Variants in C8orf34 observed in about 807,000 individuals in gnomAD.
C8orf34 encodes the protein uncharacterized protein C8orf34.
In C8orf34, 65 loss-of-function variants were observed where a neutral mutation model predicts 68.3. That is an observed-to-expected ratio of 0.95 (90% CI 0.78 to 1.17). C8orf34 has a LOEUF of 1.17. C8orf34 is among the 50% of genes most tolerant of loss of function. The probability of loss-of-function intolerance (pLI) is 0.00; values close to 1 mark genes in which losing one functional copy is unlikely to be tolerated. For missense variants in C8orf34, 664 were observed against 655.4 expected (o/e 1.01, Z -0.14); for synonymous variants, 244 against 241.2 (o/e 1.01, Z -0.11).
In C8orf34 at chr8:68,466,005, G is replaced by A. The variant is rs1411732455; in HGVS notation, c.608-2687G>A. On this transcript the variant is annotated intron_variant, in intron 3 of 13. Coordinates refer to ENST00000518698, the MANE Select transcript of C8orf34 (RefSeq NM_052958.4). ...AAATTCTAATAAAAAAAGAAAATTT[G>A]GTGCGTATACACAATGAAATACTAT... Among the ~76,000 whole-genome samples the A allele has an allele frequency of 2.0e-5, 3 of 147,396 alleles. No individual in the cohort carries two copies. The Admixed American group carries it at 2.1e-4, about 10-fold the overall frequency.
intron 10 of C8orf34, among the ~76,000 whole-genome samples, chr8:68,753,013 A>C (rs1822752356): frequency 6.6e-6 from 1 of 152,164 alleles, no homozygotes; most frequent in South Asian, 2.1e-4. Flanking sequence ...CTCCCAATCC[A>C]CCAGAAAATG....
chr8:68,632,083 G>T (rs936373932), intron 7 of C8orf34, among the ~76,000 whole-genome samples: 10 of 152,188 alleles, frequency 6.6e-5, no homozygotes, highest in Non-Finnish European at 1.2e-4. Flanking sequence ...AAGATAGGAA[G>T]ATGTGGGAAA....
intron 6 of C8orf34, chr8:68,525,526 G>C (rs1303793474): frequency 2.5e-6 from 2 of 799,042 alleles, no homozygotes; most frequent in Non-Finnish European, 4.2e-6. Context: ...CCTAGAAAAA[G>C]AATCCCAGGA....
chr8:68,418,969 A>G (rs1175138797), intron 1 of C8orf34, among the ~76,000 whole-genome samples: 7 of 149,204 alleles, frequency 4.7e-5, no homozygotes, highest in African/African-American at 1.7e-4. Flanking sequence ...ACAAAAGCCA[A>G]AATTGACAAA....
At chr8:68,747,703 G>A (rs1334570492) in intron 10 of C8orf34, among the ~76,000 whole-genome samples, 1 of 152,036 alleles carries the variant, frequency 6.6e-6, no homozygotes, top group African/African-American at 2.4e-5. Flanking sequence ...TCTTCAAGGA[G>A]AACTGCAAAC....
intron 7 of C8orf34, among the ~76,000 whole-genome samples, chr8:68,575,924 A>T (rs1308190064): frequency 7.2e-6 from 1 of 138,362 alleles, no homozygotes; most frequent in African/African-American, 2.6e-5. Context: ...ACTTTTTGGT[A>T]TGATGAGCTG....
At position 68,535,842 on chromosome 8, in the gene C8orf34, T is replaced by C. The variant is rs1041225990; in HGVS notation, c.1105+2693T>C. On this transcript the variant is annotated intron_variant, in intron 7 of 13. Transcript: ENST00000518698. ...GCCAAACTTGTGAATTTTTAAGATA[T>C]AATCATTTTAAGCACCTCTGAAATT... The C allele has an allele frequency of 2.1e-5, 21 of 979,110 alleles. No individual in the cohort carries two copies. In the African/African-American group the frequency reaches 3.3e-4, roughly 16 times the overall value. The allele number at this position is 979,110 out of a possible 1,614,324, so 60.7% of individuals were successfully genotyped here.
chr8:68,612,148 G>A (rs1348963953), intron 7 of C8orf34, among the ~76,000 whole-genome samples: 1 of 151,894 alleles, frequency 6.6e-6, no homozygotes, highest in Non-Finnish European at 1.5e-5. Context: ...ATCATTATCT[G>A]CAACTGCCTC....
Position 68,334,152 on chromosome 8 carries a change from T to C in C8orf34, c.327+2813T>C, listed in dbSNP as rs183718110. Reference sequence around the variant, plus strand: ...ATATTTTATGATTTGAGATGCTTATTAAAGTGTTACATGCAGTATGGTGTT... The same window carrying C: ...ATATTTTATGATTTGAGATGCTTATCAAAGTGTTACATGCAGTATGGTGTT... On this transcript the variant is annotated intron_variant, in intron 1 of 13. Transcript: ENST00000518698. Among the ~76,000 whole-genome samples, 286 of 152,312 alleles carry C rather than the reference T, an allele frequency of 1.9e-3. 1 individual carries two copies. The highest frequency in any genetic ancestry group is 0.01 in the Middle Eastern group (3 of 292).
At chr8:68,802,006 A>T (rs757003293) in intron 12 of C8orf34, among the ~76,000 whole-genome samples, 1 of 152,164 alleles carries the variant, frequency 6.6e-6, no homozygotes, top group Non-Finnish European at 1.5e-5. Context: ...ATATATGATA[A>T]TATACATTCT....
Position 68,678,719 on chromosome 8 carries a change from C to T in C8orf34, c.1242-30275C>T, listed in dbSNP as rs547237684. On this transcript the variant is annotated intron_variant, in intron 8 of 13. Coordinates refer to ENST00000518698, the MANE Select transcript of C8orf34 (RefSeq NM_052958.4). The stretch of plus-strand genomic sequence containing the variant: ...GCCCAGTTTCACCACTGTTATTCAA[C>T]ATCATACTGGAAGTCCTAGCTAGAG... Among the ~76,000 whole-genome samples, 38 of 152,112 alleles carry T rather than the reference C, an allele frequency of 2.5e-4. 1 individual carries two copies. In the South Asian group the frequency reaches 7.9e-3, roughly 32 times the overall value.
At chr8:68,783,493 C>T (rs1381704861) in intron 11 of C8orf34, among the ~76,000 whole-genome samples, 4 of 138,662 alleles carry the variant, frequency 2.9e-5, no homozygotes, top group Non-Finnish European at 4.5e-5. Flanking sequence ...AATTGCACTC[C>T]GGCCTGGGCA....
At chr8:68,774,743 T>C (rs1027340893) in intron 10 of C8orf34, among the ~76,000 whole-genome samples, 33 of 148,966 alleles carry the variant, frequency 2.2e-4, no homozygotes, top group Non-Finnish European at 2.7e-4. Context: ...CATCACAATT[T>C]TTTTTAAAAA....
intron 1 of C8orf34, among the ~76,000 whole-genome samples, chr8:68,425,406 TG>T (rs1401260784): frequency 6.6e-6 from 1 of 152,154 alleles, no homozygotes; most frequent in African/African-American, 2.4e-5. Flanking sequence ...TACAACTAAG[TG>T]AGTTCAATAT....
At chr8:68,625,474 A>T (rs1052688251) in intron 7 of C8orf34, 5 of 574,190 alleles carry the variant, frequency 8.7e-6, no homozygotes, top group Admixed American at 8.4e-5. Context: ...AATGAAACAG[A>T]ATTGAAAATG....
intron 6 of C8orf34, chr8:68,530,606 T>C (rs769936970): frequency 1.6e-6 from 2 of 1,263,494 alleles, no homozygotes; most frequent in Non-Finnish European, 2.1e-6. Flanking sequence ...AGAAGACACG[T>C]AATGCAATGA....
intron 8 of C8orf34, among the ~76,000 whole-genome samples, chr8:68,707,202 G>T (rs1821191462): frequency 6.6e-6 from 1 of 152,150 alleles, no homozygotes; most frequent in Non-Finnish European, 1.5e-5. Context: ...CATTGGCAGA[G>T]TACTCGAGGA....
At chr8:68,439,437 G>C in intron 1 of C8orf34, 62 bp from the exon 2 acceptor site, 5 of 1,507,030 alleles carry the variant, frequency 3.3e-6, no homozygotes, top group Admixed American at 1.8e-5. Context: ...TGCTAAGTAA[G>C]TGCTTGCTAT....
chr8:68,622,885 T>A (rs989568278), intron 7 of C8orf34, among the ~76,000 whole-genome samples: 1 of 152,256 alleles, frequency 6.6e-6, no homozygotes, highest in African/African-American at 2.4e-5. Flanking sequence ...TCTTTCATAG[T>A]GTCATGACAT....
Sources: allele counts gnomAD v4.1 joint callset (sites outside exome capture counted in the v4.1 genomes callset), GRCh38; gene constraint gnomAD v4.1.1; transcripts MANE v1.5; gene names NCBI Gene and HGNC (gene_info 2026-07-23, HGNC 2026-07-21).